The following ADGRV1 variants were observed in gnomAD, a reference collection of about 807,000 sequenced individuals.
The protein encoded by ADGRV1 is G-protein coupled receptor 98.
ADGRV1 carries 359 observed loss-of-function variants against 596.2 expected under a neutral mutation model. The observed-to-expected ratio is 0.60, with a 90% CI of 0.55 to 0.66. ADGRV1 has a LOEUF of 0.66. Ranked by LOEUF, ADGRV1 falls within the 30% of genes least tolerant of loss-of-function variation. ADGRV1 has a pLI of 0.00. For missense variants in ADGRV1, 7,274 were observed against 7,575.6 expected, an observed-to-expected ratio of 0.96 and a Z score of 1.48; for synonymous variants, 2,681 against 2,679.2, an observed-to-expected ratio of 1.00 and a Z score of -0.02.
In ADGRV1 at chr5:90,687,627, C is replaced by T. The variant is rs1561528580; in HGVS notation, c.6490+1632C>T. ...TCAAATTGTCCCTGTTTGCAGATGA[C>T]ATGATTGTATATCTAGAAAATCCCA... On this transcript the variant is annotated intron_variant, in intron 29 of 89. Coordinates refer to ENST00000405460, the MANE Select transcript of ADGRV1 (RefSeq NM_032119.4). Among the ~76,000 whole-genome samples the T allele has an allele frequency of 7.9e-5, 12 of 152,162 alleles. No homozygotes were observed. In the South Asian group the frequency reaches 2.3e-3, roughly 29 times the overall value.
At chr5:90,991,987 G>A (rs987012900) in intron 85 of ADGRV1, among the ~76,000 whole-genome samples, 2 of 152,230 alleles carry the variant, frequency 1.3e-5, no homozygotes, top group Non-Finnish European at 2.9e-5. Flanking sequence ...ATTTGCTCAG[G>A]TAGGGATATA....
chr5:90,686,002 A>G lies in ADGRV1; in HGVS notation c.6490+7A>G, dbSNP rs1208831012. On this transcript the variant is annotated splice_region_variant and intron_variant, in intron 29 of 89. Transcript: ENST00000405460. ...CCAATAACTGCAATAGCTGGTAAGA[A>G]AAGACATCTAAAAAGCAGTACATAC... 1 of 1,551,826 alleles carries G rather than the reference A, an allele frequency of 6.4e-7. No individual in the cohort carries two copies. The highest frequency in any genetic ancestry group is 8.7e-7 in the Non-Finnish European group (1 of 1,143,188).
rs550190828 is a variant in ADGRV1 at position 90,788,149 on chromosome 5, G to A, written c.13732G>A (p.Gly4578Arg). ...TAGAGACATTGCAGACCCAGTGAGCGGGTTGTTCTATTTTGGAGAAGGAGA... is the reference window on the plus strand; with the variant it reads ...TAGAGACATTGCAGACCCAGTGAGCAGGTTGTTCTATTTTGGAGAAGGAGA... ...QNRDIADPVS[G>R]LFYFGEGEGG... is the part of the protein sequence containing the mutation. Residue 4578 changes from glycine (G) to arginine (R), a missense_variant, in exon 68 of 90, where the codon GGG becomes AGG. Physicochemically the swap from Gly to Arg is moderately radical, Grantham distance 125. Transcript: ENST00000405460. 6 of 1,613,724 alleles carry A rather than the reference G, an allele frequency of 3.7e-6. No homozygotes were observed. The highest frequency in any genetic ancestry group is 2.5e-6 in the Non-Finnish European group (3 of 1,179,738).
At chr5:90,916,895 G>A (rs1159858067) in intron 83 of ADGRV1, among the ~76,000 whole-genome samples, 2 of 152,044 alleles carry the variant, frequency 1.3e-5, no homozygotes, top group South Asian at 2.1e-4. Flanking sequence ...GCCTCCCAAA[G>A]TGCTGGGATT....
chr5:90,946,407 A>G (rs551679440), intron 83 of ADGRV1, among the ~76,000 whole-genome samples: 1 of 152,330 alleles, frequency 6.6e-6, no homozygotes, highest in East Asian at 1.9e-4. Flanking sequence ...AGATTTGAAC[A>G]TAATCATTTT....
At chr5:91,012,269 C>G (rs918043332) in intron 85 of ADGRV1, among the ~76,000 whole-genome samples, 1 of 151,928 alleles carries the variant, frequency 6.6e-6, no homozygotes, top group African/African-American at 2.4e-5. Context: ...TTAGACATTC[C>G]GTTTATTCCA....
At chr5:90,843,003 A>G (rs1325283457) in intron 78 of ADGRV1, among the ~76,000 whole-genome samples, 1 of 152,130 alleles carries the variant, frequency 6.6e-6, no homozygotes, top group East Asian at 1.9e-4. Flanking sequence ...AAATTCTACT[A>G]ACATAGACTT....
At chr5:90,843,582 T>C (rs1371179723) in intron 78 of ADGRV1, among the ~76,000 whole-genome samples, 1 of 152,202 alleles carries the variant, frequency 6.6e-6, no homozygotes, top group Non-Finnish European at 1.5e-5. Context: ...AGTCATTTCA[T>C]CGTTTTAGTT....
intron 70 of ADGRV1, among the ~76,000 whole-genome samples, chr5:90,795,601 G>T (rs1296307070): frequency 6.6e-6 from 1 of 152,208 alleles, no homozygotes; most frequent in Non-Finnish European, 1.5e-5. Flanking sequence ...CTGCCTGACG[G>T]CTCTGAAGAG....
chr5:91,096,734 AT>A (rs1166524939), intron 86 of ADGRV1, among the ~76,000 whole-genome samples: 1 of 152,166 alleles, frequency 6.6e-6, no homozygotes, highest in East Asian at 1.9e-4. Context: ...AAAATTTAGC[AT>A]CTTAAACCAT....
chr5:90,760,240 C>T (rs1581032149), intron 58 of ADGRV1, among the ~76,000 whole-genome samples: 2 of 147,876 alleles, frequency 1.4e-5, no homozygotes, highest in South Asian at 2.2e-4. Context: ...CACGCCACTG[C>T]GCTCCAGCCT....
chr5:90,718,548 C>T (rs1044444749), intron 43 of ADGRV1: 13 of 151,936 alleles, frequency 8.6e-5, no homozygotes, highest in Non-Finnish European at 1.5e-4. Context: ...CTAAAACAGT[C>T]CATCTAATAA....
intron 83 of ADGRV1, among the ~76,000 whole-genome samples, chr5:90,873,805 G>GA (rs4019420): frequency 0.03 from 4,466 of 147,480 alleles, 195 homozygotes; most frequent in African/African-American, 0.1. Context: ...AAAAAGAAAG[G>GA]AAAAAAAAAA....
chr5:90,990,480 A>T (rs1360168230), intron 85 of ADGRV1, among the ~76,000 whole-genome samples: 1 of 152,126 alleles, frequency 6.6e-6, no homozygotes, highest in Non-Finnish European at 1.5e-5. Flanking sequence ...TTAACAATGC[A>T]CCGTTCACAA....
chr5:90,665,620 C>T (rs1771211199), intron 21 of ADGRV1, among the ~76,000 whole-genome samples: 1 of 150,150 alleles, frequency 6.7e-6, no homozygotes, highest in Admixed American at 6.6e-5. Flanking sequence ...TCCTTCAGTT[C>T]TGCTCTGATT....
rs1755507097 is a variant in ADGRV1 at position 90,753,610 on chromosome 5, A to G, written c.11158A>G (p.Thr3720Ala). The G allele has an allele frequency of 1.2e-6, 2 of 1,611,716 alleles. No homozygotes were observed. The highest frequency in any genetic ancestry group is 1.7e-6 in the Non-Finnish European group (2 of 1,178,068). The change falls in exon 54 of 90, where the codon ACT becomes GCT. Residue 3720 changes from threonine to alanine, a missense_variant. Physicochemically the swap from Thr to Ala is moderately conservative, Grantham distance 58. This residue lies in a region of ADGRV1 where 3,643 missense variants were observed against 3,809.2 expected (regional missense o/e 0.96). Coordinates refer to ENST00000405460, the MANE Select transcript of ADGRV1 (RefSeq NM_032119.4). ...TGAAGGCCAGGTACTGTCAACAATCACTCTAACTATTCTTGCTGATAATAT... is the reference window on the plus strand; with the variant it reads ...TGAAGGCCAGGTACTGTCAACAATCGCTCTAACTATTCTTGCTGATAATAT... ...FTEGQVLSTI[T>A]LTILADNIPE...
At chr5:91,120,598 C>T (rs1322224110) in intron 87 of ADGRV1, among the ~76,000 whole-genome samples, 2 of 152,032 alleles carry the variant, frequency 1.3e-5, no homozygotes, top group African/African-American at 4.8e-5. Flanking sequence ...TAGTCTGGAA[C>T]AAACCCCAGC....
At chr5:90,724,086 T>C (rs898534863) in intron 45 of ADGRV1, among the ~76,000 whole-genome samples, 1 of 152,140 alleles carries the variant, frequency 6.6e-6, no homozygotes, top group Non-Finnish European at 1.5e-5. Context: ...TCAAATTTAA[T>C]AGCGTAAATT....
At chr5:91,095,846 G>A (rs780724963) in intron 86 of ADGRV1, among the ~76,000 whole-genome samples, 7 of 151,624 alleles carry the variant, frequency 4.6e-5, no homozygotes, top group Admixed American at 1.3e-4. Flanking sequence ...GCAATGGTGC[G>A]ATCTTGGCTC....
Sources: gnomAD v4.1 joint callset for allele counts (sites outside exome capture counted in the v4.1 genomes callset) on GRCh38, gnomAD v4.1.1 for gene constraint, gnomAD v4.1.1 regional missense constraint, MANE v1.5 for transcripts, NCBI Gene and HGNC (gene_info 2026-07-23, HGNC 2026-07-21) for gene names.